Variants in VAV3 observed in about 807,000 individuals in gnomAD.
VAV3 encodes the protein guanine nucleotide exchange factor VAV3.
A neutral mutation model predicts 131.2 loss-of-function variants in VAV3; 94 were observed. The ratio of observed to expected loss-of-function variants is 0.72; its 90% confidence interval spans 0.61 to 0.85. VAV3 has a LOEUF of 0.85. VAV3 is among the 40% of genes least tolerant of loss of function. The pLI is 0.00. For synonymous variants in VAV3, 349 were observed against 342.0 expected, an observed-to-expected ratio of 1.02 and a Z score of -0.22; for missense variants, 939 against 1,002.7, an observed-to-expected ratio of 0.94 and a Z score of 0.86.
intron 19 of VAV3, among the ~76,000 whole-genome samples, chr1:107,657,702 A>G (rs541390375): frequency 5.3e-5 from 8 of 152,318 alleles, no homozygotes; most frequent in Admixed American, 4.6e-4. Flanking sequence ...CCATGCAAAG[A>G]TTGTAGCAAA....
chr1:107,773,187 A>G (rs972556786), intron 4 of VAV3, among the ~76,000 whole-genome samples: 1 of 152,224 alleles, frequency 6.6e-6, no homozygotes, highest in African/African-American at 2.4e-5. Context: ...AAGTTGAAAG[A>G]CCAAAAGGCT....
chr1:107,923,736 C>T (rs1045912664), intron 1 of VAV3, among the ~76,000 whole-genome samples: 21 of 152,128 alleles, frequency 1.4e-4, no homozygotes, highest in Admixed American at 3.9e-4. Context: ...GGTGAAACTG[C>T]CCCATGTTCC....
intron 15 of VAV3, among the ~76,000 whole-genome samples, chr1:107,718,170 C>T (rs1288122282): frequency 6.6e-6 from 1 of 152,176 alleles, no homozygotes; most frequent in Non-Finnish European, 1.5e-5. Flanking sequence ...CCTCTCTCAC[C>T]ACTCCTATTC....
intron 20 of VAV3, among the ~76,000 whole-genome samples, chr1:107,640,155 G>T (rs776790006): frequency 3.9e-5 from 6 of 152,058 alleles, no homozygotes; most frequent in African/African-American, 1.4e-4. Flanking sequence ...TCCATACAAA[G>T]AATTATATTT....
intron 1 of VAV3, among the ~76,000 whole-genome samples, chr1:107,895,596 A>G (rs186508077): frequency 3.8e-4 from 58 of 152,268 alleles, no homozygotes; most frequent in Admixed American, 1.1e-3. Context: ...CACAGTTACT[A>G]AACTATGAAG....
At chr1:107,885,309 C>T (rs1053103652) in intron 1 of VAV3, among the ~76,000 whole-genome samples, 3 of 151,334 alleles carry the variant, frequency 2.0e-5, no homozygotes, top group Non-Finnish European at 4.4e-5. Context: ...CTGGATAATA[C>T]TGCTATATGA....
chr1:107,964,573 G>A (rs1675325249), intron 1 of VAV3, 93 bp downstream of exon 1: 1 of 1,371,016 alleles, frequency 7.3e-7, no homozygotes, highest in Non-Finnish European at 9.9e-7. Flanking sequence ...CAAGCTCAGC[G>A]CACCTAGACG....
intron 19 of VAV3, among the ~76,000 whole-genome samples, chr1:107,660,437 C>T (rs986272524): frequency 6.6e-6 from 1 of 152,202 alleles, no homozygotes; most frequent in African/African-American, 2.4e-5. Flanking sequence ...CATGTGGCAG[C>T]TCCTATAGAC....
At chr1:107,838,145 T>G (rs4915080) in intron 2 of VAV3, among the ~76,000 whole-genome samples, 21,558 of 151,872 alleles carry the variant, frequency 0.14, 1,692 homozygotes, top group East Asian at 0.24. Context: ...TCCGACAAAG[T>G]TCTAATAACC....
chr1:107,962,587 G>C (rs555628261), intron 1 of VAV3, among the ~76,000 whole-genome samples: 9 of 152,022 alleles, frequency 5.9e-5, no homozygotes, highest in African/African-American at 1.9e-4. Context: ...CAAACTCATC[G>C]GCCTAGCATC....
chr1:107,680,647 A>G (rs1658536989), intron 19 of VAV3, among the ~76,000 whole-genome samples: 1 of 152,102 alleles, frequency 6.6e-6, no homozygotes, highest in African/African-American at 2.4e-5. Context: ...TCCTGGCTTC[A>G]AGTGATCCTC....
At chr1:107,859,436 C>T (rs1033904390) in intron 2 of VAV3, among the ~76,000 whole-genome samples, 1 of 152,138 alleles carries the variant, frequency 6.6e-6, no homozygotes, top group African/African-American at 2.4e-5. Context: ...GAGTACATTC[C>T]TTGTATTTAA....
At chr1:107,764,571 G>A (rs1458697504) in intron 9 of VAV3, among the ~76,000 whole-genome samples, 3 of 152,140 alleles carry the variant, frequency 2.0e-5, no homozygotes, top group Non-Finnish European at 2.9e-5. Context: ...CCTGGCTGGA[G>A]TGCAATGGTG....
chr1:107,715,694 C>T (rs964955800), intron 15 of VAV3, among the ~76,000 whole-genome samples: 6 of 152,086 alleles, frequency 3.9e-5, no homozygotes, highest in South Asian at 2.1e-4. Context: ...TATCACTGAA[C>T]GGGGGTGGGG....
At chr1:107,949,781 C>G (rs571969627) in intron 1 of VAV3, among the ~76,000 whole-genome samples, 2 of 152,326 alleles carry the variant, frequency 1.3e-5, no homozygotes, top group South Asian at 4.1e-4. Flanking sequence ...TTATGCATTT[C>G]TTGTGTGGCT....
At chr1:107,651,426 G>A (rs912670537) in intron 19 of VAV3, among the ~76,000 whole-genome samples, 8 of 151,440 alleles carry the variant, frequency 5.3e-5, no homozygotes, top group Non-Finnish European at 8.8e-5. Flanking sequence ...TTGTGTCTTC[G>A]TACAGAGTTT....
At chr1:107,695,429 G>C (rs1332573822) in intron 17 of VAV3, among the ~76,000 whole-genome samples, 1 of 152,112 alleles carries the variant, frequency 6.6e-6, no homozygotes, top group Non-Finnish European at 1.5e-5. Context: ...CTTAGGAGGA[G>C]AGCTAAGAAG....
chr1:107,621,354 T>C (rs1472311172), intron 20 of VAV3, among the ~76,000 whole-genome samples: 1 of 152,036 alleles, frequency 6.6e-6, no homozygotes, highest in African/African-American at 2.4e-5. Context: ...ATATAATAAC[T>C]TCTACTTATT....
intron 1 of VAV3, among the ~76,000 whole-genome samples, chr1:107,964,114 T>TG (rs1675290033): frequency 6.6e-6 from 1 of 152,118 alleles, no homozygotes; most frequent in South Asian, 2.1e-4. Context: ...TCAGGGGCCC[T>TG]GGGGGCGGCC....
Sources: allele counts gnomAD v4.1 joint callset (sites outside exome capture counted in the v4.1 genomes callset), GRCh38; gene constraint gnomAD v4.1.1; transcripts MANE v1.5; gene names NCBI Gene and HGNC (gene_info 2026-07-23, HGNC 2026-07-21).